Variants in SIPA1L3 observed in about 807,000 individuals in gnomAD.
SIPA1L3 encodes the protein signal induced proliferation associated 1 like 3, also known as signal-induced proliferation-associated 1-like protein 3.
In SIPA1L3, 59 loss-of-function variants were observed where a neutral mutation model predicts 150.1. The observed-to-expected ratio is 0.39, with a 90% CI of 0.32 to 0.49. SIPA1L3 has a LOEUF of 0.49. Ranked by LOEUF, SIPA1L3 falls within the 20% of genes least tolerant of loss-of-function variation. The probability of loss-of-function intolerance (pLI) is 0.86; values close to 1 mark genes in which losing one functional copy is unlikely to be tolerated. For missense variants in SIPA1L3, 2,211 were observed against 2,489.5 expected (o/e 0.89, Z 2.38); for synonymous variants, 1,070 against 1,077.6 (o/e 0.99, Z 0.14).
chr19:38,094,331 C>G (rs1394834025), intron 4 of SIPA1L3, among the ~76,000 whole-genome samples: 2 of 152,130 alleles, frequency 1.3e-5, no homozygotes, highest in East Asian at 3.9e-4. Flanking sequence ...TCACTGCAGC[C>G]TCGAATTCCC....
intron 1 of SIPA1L3, among the ~76,000 whole-genome samples, chr19:37,997,393 C>A (rs1444553563): frequency 6.6e-6 from 1 of 151,160 alleles, no homozygotes; most frequent in Non-Finnish European, 1.5e-5. Context: ...CATGGTGACA[C>A]CCGATCTCTA....
intron 3 of SIPA1L3, among the ~76,000 whole-genome samples, chr19:38,085,249 A>G (rs111246599): frequency 0.21 from 31,906 of 151,528 alleles, 4,320 homozygotes; most frequent in Non-Finnish European, 0.29. Context: ...TGGGAGGCCA[A>G]GGTGGGTGAT....
chr19:38,029,867 T>C (rs1321337925), intron 2 of SIPA1L3, among the ~76,000 whole-genome samples: 1 of 144,440 alleles, frequency 6.9e-6, no homozygotes, highest in African/African-American at 2.6e-5. Flanking sequence ...TTTTTTTTTT[T>C]TTTTTGAGAT....
chr19:38,074,120 C>T (rs1176613072), intron 2 of SIPA1L3, among the ~76,000 whole-genome samples: 3 of 152,094 alleles, frequency 2.0e-5, no homozygotes, highest in East Asian at 1.9e-4. Context: ...AGGAGGAGCT[C>T]GGTAGAAGAC....
intron 1 of SIPA1L3, among the ~76,000 whole-genome samples, chr19:38,020,545 G>T (rs546502328): frequency 6.6e-6 from 1 of 152,198 alleles, no homozygotes; most frequent in Non-Finnish European, 1.5e-5. Flanking sequence ...GGAAGAAAAA[G>T]GATCCACAGC....
At chr19:37,976,833 A>G (rs1967089248) in intron 1 of SIPA1L3, among the ~76,000 whole-genome samples, 1 of 152,122 alleles carries the variant, frequency 6.6e-6, no homozygotes, top group Admixed American at 6.6e-5. Context: ...TGTGGTTATT[A>G]CTATTAGTAT....
intron 1 of SIPA1L3, among the ~76,000 whole-genome samples, chr19:37,939,231 T>C (rs990439124): frequency 1.3e-5 from 2 of 151,940 alleles, no homozygotes; most frequent in East Asian, 3.9e-4. Context: ...CAGATGTATC[T>C]GTTAGGATTA....
intron 18 of SIPA1L3, among the ~76,000 whole-genome samples, chr19:38,195,013 T>C (rs1972889793): frequency 1.3e-5 from 2 of 151,660 alleles, no homozygotes; most frequent in Admixed American, 6.6e-5. Flanking sequence ...ATCAAGCCAC[T>C]GCACTCCAGC....
intron 1 of SIPA1L3, among the ~76,000 whole-genome samples, chr19:37,952,259 G>A (rs2046771147): frequency 6.6e-6 from 1 of 152,166 alleles, no homozygotes; most frequent in Non-Finnish European, 1.5e-5. Context: ...AGTAATGGGA[G>A]CCAAAACATT....
At chr19:38,050,521 T>C (rs2145758963) in intron 2 of SIPA1L3, among the ~76,000 whole-genome samples, 1 of 152,338 alleles carries the variant, frequency 6.6e-6, no homozygotes, top group Admixed American at 6.5e-5. Flanking sequence ...TAGCAATTAT[T>C]ATCACTATCA....
chr19:38,000,934 CAT>C (rs1003483566), intron 1 of SIPA1L3, among the ~76,000 whole-genome samples: 33 of 126,252 alleles, frequency 2.6e-4, no homozygotes, highest in Non-Finnish European at 3.7e-4. Flanking sequence ...ATATATATAA[CAT>C]ATATAACATA....
Position 38,082,987 on chromosome 19 carries a change from G to C in SIPA1L3, c.1422G>C (p.Ser474=), listed in dbSNP as rs780595487. Residue 474 remains serine (S), a synonymous_variant, in exon 3 of 22, where the codon TCG becomes TCC. Transcript: ENST00000222345. ...CCTACCGCACCAACGCCAGCATCTC[G>C]GTGTTGGAAGTTCCCAAGGAGCAGC... is the stretch of plus-strand genomic sequence containing the variant. ...LSAYRTNASI[S]VLEVPKEQQR... is the part of the protein sequence containing the mutation. 8.7e-6 allele frequency: 14 copies of C among 1,613,124 alleles called. No homozygotes were observed. Among genetic ancestry groups the C allele is most frequent in the Non-Finnish European group, 1.2e-5 (14 of 1,179,942 alleles).
intron 17 of SIPA1L3, 65 bp downstream of exon 17, chr19:38,192,375 G>A: frequency 6.9e-7 from 1 of 1,442,302 alleles, no homozygotes; most frequent in Non-Finnish European, 9.3e-7. Flanking sequence ...ATCTGGGCAG[G>A]CAAGGAGAAG....
At chr19:38,000,893 G>A (rs949511560) in intron 1 of SIPA1L3, among the ~76,000 whole-genome samples, 7 of 131,666 alleles carry the variant, frequency 5.3e-5, no homozygotes, top group South Asian at 2.3e-4. Flanking sequence ...ATATATATAT[G>A]TTATATATAT....
At chr19:38,049,187 G>A (rs1348769655) in intron 2 of SIPA1L3, among the ~76,000 whole-genome samples, 1 of 152,192 alleles carries the variant, frequency 6.6e-6, no homozygotes, top group African/African-American at 2.4e-5. Context: ...TTGTCACTGG[G>A]AAGGTTTTTG....
At chr19:38,146,578 G>T (rs1971707565) in intron 12 of SIPA1L3, among the ~76,000 whole-genome samples, 1 of 152,132 alleles carries the variant, frequency 6.6e-6, no homozygotes, top group African/African-American at 2.4e-5. Flanking sequence ...TGGGATAAAT[G>T]CCCAGGAGTA....
chr19:38,031,354 A>G (rs1362429736), intron 2 of SIPA1L3, among the ~76,000 whole-genome samples: 3 of 152,106 alleles, frequency 2.0e-5, no homozygotes, highest in Non-Finnish European at 2.9e-5. Context: ...CCAAGAGTCT[A>G]TTCTTGATCC....
intron 1 of SIPA1L3, among the ~76,000 whole-genome samples, chr19:37,976,104 T>TAAA (rs374630193): frequency 7.5e-5 from 9 of 120,346 alleles, no homozygotes; most frequent in Non-Finnish European, 5.5e-5. Context: ...GGCTCTGTCT[T>TAAA]AAAAAAAAAA....
chr19:37,970,570 C>T (rs920588450), intron 1 of SIPA1L3, among the ~76,000 whole-genome samples: 7 of 152,200 alleles, frequency 4.6e-5, no homozygotes, highest in African/African-American at 1.7e-4. Flanking sequence ...TTTCTTCGCA[C>T]TAAAGCCATC....
Sources: gnomAD v4.1 joint callset for allele counts (sites outside exome capture counted in the v4.1 genomes callset) on GRCh38, gnomAD v4.1.1 for gene constraint, MANE v1.5 for transcripts, NCBI Gene and HGNC (gene_info 2026-07-23, HGNC 2026-07-21) for gene names.